The following THSD4 variants were observed in gnomAD, a reference collection of about 807,000 sequenced individuals.
THSD4 encodes thrombospondin type-1 domain-containing protein 4.
In THSD4, 69 loss-of-function variants were observed where a neutral mutation model predicts 119.0. The ratio of observed to expected loss-of-function variants is 0.58; its 90% confidence interval spans 0.48 to 0.71. The LOEUF (loss-of-function observed/expected upper bound fraction) is 0.71, where lower values mean the gene tolerates loss of function less well. Ranked by LOEUF, THSD4 falls within the 30% of genes least tolerant of loss-of-function variation. The pLI is 0.00. For synonymous variants in THSD4, 524 were observed against 540.4 expected (o/e 0.97, Z 0.42); for missense variants, 1,393 against 1,391.1 (o/e 1.00, Z -0.02).
At position 71,215,213 on chromosome 15, in the gene THSD4, C is replaced by T. The variant is rs1428433582; in HGVS notation, c.278C>T (p.Pro93Leu). ...RSYRLRGGQR[P>L]GAPARAFADH... ...TACCGCCTGCGCGGCGGCCAGCGGC[C>T]TGGCGCCCCTGCGCGCGCCTTCGCG... is the stretch of plus-strand genomic sequence containing the variant. The change falls in exon 4 of 18, where the codon CCT (proline) becomes CTT (leucine). Residue 93 changes from proline (P) to leucine (L), a missense_variant. Transcript: ENST00000261862. 1.2e-5 allele frequency: 17 copies of T among 1,375,320 alleles called. No homozygotes were observed. The highest frequency in any genetic ancestry group is 1.5e-5 in the Non-Finnish European group (16 of 1,069,630). 85.2% of individuals were successfully genotyped at this position (1,375,320 alleles called of 1,614,324 possible). A position where few individuals can be genotyped will look rare whatever the true frequency, so the allele number is the denominator to read the frequency against.
intron 8 of THSD4, among the ~76,000 whole-genome samples, chr15:71,720,241 A>G (rs1405607515): frequency 6.7e-6 from 1 of 149,832 alleles, no homozygotes; most frequent in Non-Finnish European, 1.5e-5. Flanking sequence ...GATAGAGACA[A>G]GGTCTCCCTA....
chr15:71,494,287 TA>T (rs1035740692), intron 7 of THSD4, among the ~76,000 whole-genome samples: 1 of 152,146 alleles, frequency 6.6e-6, no homozygotes, highest in Admixed American at 6.5e-5. Context: ...TAACTTTTTT[TA>T]AAAAAAGGAC....
At chr15:71,400,562 A>G (rs1177713985) in intron 6 of THSD4, among the ~76,000 whole-genome samples, 1 of 152,176 alleles carries the variant, frequency 6.6e-6, no homozygotes, top group Non-Finnish European at 1.5e-5. Flanking sequence ...TCAGTGGAGG[A>G]AAAGTCTGGC....
chr15:71,631,087 T>C (rs1484850108), intron 7 of THSD4, among the ~76,000 whole-genome samples: 2 of 152,186 alleles, frequency 1.3e-5, no homozygotes, highest in Non-Finnish European at 2.9e-5. Flanking sequence ...GTACTCTGCA[T>C]TGGATGGCTT....
At chr15:71,224,376 C>T (rs551034536) in intron 4 of THSD4, among the ~76,000 whole-genome samples, 5 of 152,180 alleles carry the variant, frequency 3.3e-5, no homozygotes, top group South Asian at 2.1e-4. Context: ...ACATTTTTTC[C>T]GTGAGATGAT....
At chr15:71,429,361 G>A (rs990246437) in intron 7 of THSD4, among the ~76,000 whole-genome samples, 3 of 152,248 alleles carry the variant, frequency 2.0e-5, no homozygotes, top group Non-Finnish European at 4.4e-5. Flanking sequence ...CCACAGAGCA[G>A]ACAATGGGTG....
intron 4 of THSD4, among the ~76,000 whole-genome samples, chr15:71,238,856 T>G (rs1368830809): frequency 6.6e-6 from 1 of 152,264 alleles, no homozygotes; most frequent in African/African-American, 2.4e-5. Flanking sequence ...TTTAGTCTTT[T>G]GAGGAGCTCC....
In THSD4 at chr15:71,411,782, G is replaced by T; in HGVS notation, c.1111G>T (p.Asp371Tyr). The change falls in exon 7 of 18, where the codon GAC (aspartate) becomes TAC (tyrosine). Residue 371 changes from aspartate (D) to tyrosine (Y), a missense_variant. Physicochemically the swap from Asp to Tyr is radical, Grantham distance 160. Transcript: ENST00000261862. ...AEKVIDGTPC[D>Y]QNGTAICVSG... ...GAAAGTCATCGATGGCACCCCCTGT[G>T]ACCAGAACGGCACGGCCATCTGTGT... 1 of 1,614,096 alleles carries T rather than the reference G, an allele frequency of 6.2e-7. No individual in the cohort carries two copies. The highest frequency in any genetic ancestry group is 1.1e-5 in the South Asian group (1 of 91,060).
At chr15:71,579,778 T>G (rs916640201) in intron 7 of THSD4, among the ~76,000 whole-genome samples, 1 of 152,186 alleles carries the variant, frequency 6.6e-6, no homozygotes, top group Non-Finnish European at 1.5e-5. Flanking sequence ...GAGACACCTG[T>G]TTATAAGTAG....
intron 6 of THSD4, among the ~76,000 whole-genome samples, chr15:71,385,438 G>A (rs2046283078): frequency 6.6e-6 from 1 of 152,148 alleles, no homozygotes; most frequent in Non-Finnish European, 1.5e-5. Flanking sequence ...TTTGTGAATC[G>A]GGTAGCCCTC....
chr15:71,623,043 T>G (rs966987889), intron 7 of THSD4, among the ~76,000 whole-genome samples: 23 of 152,082 alleles, frequency 1.5e-4, no homozygotes, highest in African/African-American at 5.6e-4. Context: ...GATGGAGGTC[T>G]CGGTAATCAG....
intron 8 of THSD4, among the ~76,000 whole-genome samples, chr15:71,673,199 T>A (rs1056008584): frequency 6.6e-6 from 1 of 152,224 alleles, no homozygotes; most frequent in Non-Finnish European, 1.5e-5. Flanking sequence ...ATTCAACTTC[T>A]TCCTGGTTTA....
chr15:71,354,156 TGTG>T (rs2045778696), intron 6 of THSD4, among the ~76,000 whole-genome samples: 1 of 152,114 alleles, frequency 6.6e-6, no homozygotes, highest in South Asian at 2.1e-4. Context: ...TTTAGCCAGA[TGTG>T]GTGGCATTTA....
intron 8 of THSD4, among the ~76,000 whole-genome samples, chr15:71,683,967 C>G (rs747069636): frequency 1.3e-5 from 2 of 152,142 alleles, no homozygotes; most frequent in Non-Finnish European, 2.9e-5. Flanking sequence ...GAGCAAGACT[C>G]CATCTCAAAA....
chr15:71,254,618 G>A (rs970392135), intron 5 of THSD4, among the ~76,000 whole-genome samples: 1 of 152,246 alleles, frequency 6.6e-6, no homozygotes, highest in Non-Finnish European at 1.5e-5. Flanking sequence ...GGGGACTGCT[G>A]CAGGGATGGT....
intron 6 of THSD4, among the ~76,000 whole-genome samples, chr15:71,267,780 T>C (rs1294649993): frequency 8.6e-5 from 13 of 151,664 alleles, no homozygotes; most frequent in Non-Finnish European, 1.5e-5. Context: ...ACCAAGCAAA[T>C]GGAAAGCAAA....
At chr15:71,349,076 C>T (rs538284406) in intron 6 of THSD4, among the ~76,000 whole-genome samples, 13 of 141,526 alleles carry the variant, frequency 9.2e-5, no homozygotes, top group African/African-American at 2.6e-4. Context: ...CATTTTGCCA[C>T]GTGGAGTGGT....
Position 71,319,714 on chromosome 15 carries a change from T to C in THSD4, c.1015+62999T>C, listed in dbSNP as rs193036821. ...AATAGTGCTGCAATAAACATACGTG[T>C]GCATGTGTCTTTATAGCATGTGTTT... On this transcript the variant is annotated intron_variant, in intron 6 of 17. Transcript: ENST00000261862. Among the ~76,000 whole-genome samples the C allele has an allele frequency of 7.7e-4, 117 of 152,280 alleles. 1 individual carries two copies. The highest frequency in any genetic ancestry group is 3.2e-3 in the Admixed American group (49 of 15,290).
intron 7 of THSD4, among the ~76,000 whole-genome samples, chr15:71,544,931 C>A (rs1187991225): frequency 6.6e-6 from 1 of 152,138 alleles, no homozygotes; most frequent in Non-Finnish European, 1.5e-5. Flanking sequence ...GTGTATGATT[C>A]CACTTATATG....
Sources: gnomAD v4.1 joint callset for allele counts (sites outside exome capture counted in the v4.1 genomes callset) on GRCh38, gnomAD v4.1.1 for gene constraint, MANE v1.5 for transcripts, NCBI Gene and HGNC (gene_info 2026-07-23, HGNC 2026-07-21) for gene names.